Variants in MYH10 observed in about 807,000 individuals in gnomAD.
MYH10 encodes the protein myosin-10.
MYH10 carries 55 observed loss-of-function variants against 257.8 expected under a neutral mutation model. The observed-to-expected ratio is 0.21, with a 90% confidence interval of 0.17 to 0.27. The LOEUF is 0.27. MYH10 is among the 10% of genes least tolerant of loss of function. The pLI, the probability that MYH10 is intolerant of heterozygous loss-of-function variation, is 1.00. For missense variants in MYH10, 1,631 were observed against 2,500.6 expected (o/e 0.65, Z 7.42); for synonymous variants, 854 against 921.7 (o/e 0.93, Z 1.33).
intron 40 of MYH10, 49 bp downstream of exon 40, chr17:8,480,057 TCTGA>T (rs1372832959): frequency 6.3e-6 from 10 of 1,586,318 alleles, no homozygotes; most frequent in African/African-American, 5.4e-5. Flanking sequence ...CTGTTTTGTC[TCTGA>T]CTGAGCCTAG....
intron 7 of MYH10, chr17:8,561,040 T>G (rs1481519520): frequency 3.5e-6 from 2 of 570,146 alleles, no homozygotes; most frequent in African/African-American, 3.8e-5. Flanking sequence ...TCCATCCCAC[T>G]TGCTCACAAT....
intron 35 of MYH10, among the ~76,000 whole-genome samples, chr17:8,488,078 G>C (rs537048638): frequency 9.2e-5 from 14 of 152,296 alleles, no homozygotes; most frequent in African/African-American, 1.9e-4. Context: ...AGCAGGAAAG[G>C]GGGGAGCAGT....
chr17:8,512,606 G>A lies in MYH10; in HGVS notation c.2797C>T (p.Leu933Phe). 1.2e-6 allele frequency: 2 copies of A among 1,613,282 alleles called. No homozygotes were observed. The highest frequency in any genetic ancestry group is 1.7e-6 in the Non-Finnish European group (2 of 1,179,964). The change falls in exon 24 of 43, where the codon CTC becomes TTC. Residue 933 changes from leucine (L) to phenylalanine (F), a missense_variant. By Grantham distance (22) the Leu-to-Phe change is conservative. Transcript: ENST00000360416. Reference sequence around the variant, plus strand: ...CTCATCTCTTCTGCTTCAGCAAAGAGCTCAGTCTCTGCTTGTAGTTGTTCT... The same window carrying A: ...CTCATCTCTTCTGCTTCAGCAAAGAACTCAGTCTCTGCTTGTAGTTGTTCT... ...LAEQLQAETE[L>F]FAEAEEMRAR...
At chr17:8,537,675 T>G (rs2082178948) in intron 14 of MYH10, among the ~76,000 whole-genome samples, 1 of 152,226 alleles carries the variant, frequency 6.6e-6, no homozygotes, top group African/African-American at 2.4e-5. Context: ...TTTACCCTTT[T>G]ACATTCTTAA....
rs369882739 is a variant in MYH10 at position 8,492,995 on chromosome 17, G to A, written c.4239C>T (p.Asp1413=). 29 of 1,613,580 alleles carry A rather than the reference G, an allele frequency of 1.8e-5. No individual in the cohort carries two copies. The highest frequency in any genetic ancestry group is 6.7e-5 in the African/African-American group (5 of 74,816). ...QLADTKKKVD[D]DLGTIESLEE... ...CCAGACTTTCAATTGTTCCCAGGTCGTCATCTACTTTCTTCTTGGTATCAG... is the reference window on the plus strand; with the variant it reads ...CCAGACTTTCAATTGTTCCCAGGTCATCATCTACTTTCTTCTTGGTATCAG... Residue 1413 remains aspartate, a synonymous_variant, in exon 33 of 43, where the codon GAC becomes GAT. Coordinates refer to ENST00000360416, the MANE Select transcript of MYH10 (RefSeq NM_001256012.3).
chr17:8,500,287 CGT>C (rs1485597478), intron 29 of MYH10, among the ~76,000 whole-genome samples: 1 of 152,074 alleles, frequency 6.6e-6, no homozygotes, highest in African/African-American at 2.4e-5. Flanking sequence ...AGGAGGGTGG[CGT>C]GAGTCACAGG....
Position 8,477,072 on chromosome 17 carries a change from A to G in MYH10, c.5707-24T>C, listed in dbSNP as rs1469268670. On this transcript the variant is annotated intron_variant, in intron 41 of 42. Coordinates refer to ENST00000360416, the MANE Select transcript of MYH10 (RefSeq NM_001256012.3). This position sits in a 1 kb window ranked among gnomAD's most constrained non-coding sequence, Gnocchi z 4.2. ...ATCTTGGGGAGGGTACATGAACCAA[A>G]ACAAACCAAACTGGTGAATCCAGTG... 2 of 1,612,722 alleles carry G rather than the reference A, an allele frequency of 1.2e-6. No homozygotes were observed. The highest frequency in any genetic ancestry group is 1.7e-6 in the Non-Finnish European group (2 of 1,179,444).
chr17:8,616,528 AC>A (rs2085269035), intron 2 of MYH10, among the ~76,000 whole-genome samples: 1 of 152,116 alleles, frequency 6.6e-6, no homozygotes, highest in African/African-American at 2.4e-5. Context: ...AAATTTAAAC[AC>A]CATTTAAATA....
intron 17 of MYH10, among the ~76,000 whole-genome samples, chr17:8,525,674 T>A (rs146005329): frequency 1.3e-5 from 2 of 152,346 alleles, no homozygotes; most frequent in African/African-American, 2.4e-5. Context: ...TGTGGTTTTT[T>A]AAAAATATAG....
chr17:8,622,740 G>C (rs2152108953), intron 2 of MYH10, among the ~76,000 whole-genome samples, 162 bp downstream of exon 2: 1 of 152,290 alleles, frequency 6.6e-6, no homozygotes, highest in Non-Finnish European at 1.5e-5. Flanking sequence ...AGAAAAGCAA[G>C]ACATGGGTAA....
chr17:8,477,914 G>A lies in MYH10; in HGVS notation c.5706+424C>T, dbSNP rs995586171. Among the ~76,000 whole-genome samples, 2 of 152,168 alleles carry A rather than the reference G, an allele frequency of 1.3e-5. No homozygotes were observed. Among genetic ancestry groups the A allele is most frequent in the African/African-American group, 2.4e-5 (1 of 41,422 alleles). On this transcript the variant is annotated intron_variant, in intron 41 of 42. Coordinates refer to ENST00000360416, the MANE Select transcript of MYH10 (RefSeq NM_001256012.3). This position sits in a 1 kb window ranked among gnomAD's most constrained non-coding sequence, Gnocchi z 4.2. ...TGGATGCAGACGCTGAAGCTCACTC[G>A]GGTGCAGCGTGCAGTACCTTTGTCT...
chr17:8,541,291 T>C (rs1377992242), intron 14 of MYH10, among the ~76,000 whole-genome samples: 1 of 152,198 alleles, frequency 6.6e-6, no homozygotes, highest in Non-Finnish European at 1.5e-5. Context: ...AGGAGAAAAC[T>C]CTGCGTTATT....
intron 2 of MYH10, among the ~76,000 whole-genome samples, chr17:8,608,807 G>GA (rs1295154789): frequency 1.3e-5 from 2 of 150,836 alleles, no homozygotes; most frequent in Non-Finnish European, 2.9e-5. Flanking sequence ...CTATGATTGG[G>GA]AAATTTTTTT....
At chr17:8,499,242 G>A (rs780420621) in intron 30 of MYH10, 28 bp downstream of exon 30, 8 of 1,601,618 alleles carry the variant, frequency 5.0e-6, no homozygotes, top group Admixed American at 3.4e-5. Flanking sequence ...ACAGTGGGAC[G>A]TGTGTAGAGC....
At chr17:8,485,916 G>A (rs182544721) in intron 36 of MYH10, among the ~76,000 whole-genome samples, 173 of 152,302 alleles carry the variant, frequency 1.1e-3, no homozygotes, top group Middle Eastern at 3.4e-3. Flanking sequence ...AAAAATGGAA[G>A]CAACCCAAAT....
intron 2 of MYH10, among the ~76,000 whole-genome samples, chr17:8,621,138 G>C (rs1469151250): frequency 6.6e-6 from 1 of 152,164 alleles, no homozygotes; most frequent in Non-Finnish European, 1.5e-5. Flanking sequence ...AAAGCAGCCT[G>C]GCTCCTCTTC....
rs765255203 is a variant in MYH10 at position 8,552,096 on chromosome 17, G to A, written c.869C>T (p.Thr290Ile). The stretch of plus-strand genomic sequence containing the variant: ...TAACAACTGGTAAAAGATATGAAAA[G>A]TACGTTCATCTTTTGCTTGACGAAC... ...RAVRQAKDER[T>I]FHIFYQLLSG... The change falls in exon 9 of 43, where the codon ACT (threonine) becomes ATT (isoleucine). Residue 290 changes from threonine to isoleucine, a missense_variant. By Grantham distance (89) the Thr-to-Ile change is moderately conservative. Around this residue, in one of 11 missense-constraint regions of MYH10, gnomAD observed 360 missense variants for 581.9 expected, o/e 0.62. Transcript: ENST00000360416. This position sits in a 1 kb window ranked among gnomAD's most constrained non-coding sequence, Gnocchi z 4.8. 6.4e-7 allele frequency: 1 copy of A among 1,563,100 alleles called. No individual in the cohort carries two copies. Among genetic ancestry groups the A allele is most frequent in the South Asian group, 1.2e-5 (1 of 80,490 alleles).
At chr17:8,509,677 A>C (rs2081193784) in intron 25 of MYH10, 135 bp downstream of exon 25, 1 of 789,486 alleles carries the variant, frequency 1.3e-6, no homozygotes, top group African/African-American at 1.8e-5. Context: ...AGAGACTTAC[A>C]GAGAAAATTC....
chr17:8,574,653 T>C (rs1186326681), intron 6 of MYH10, among the ~76,000 whole-genome samples: 6 of 152,248 alleles, frequency 3.9e-5, no homozygotes, highest in African/African-American at 1.4e-4. Context: ...TACTACCGTT[T>C]AGTGATAAAA....
Sources: allele counts gnomAD v4.1 joint callset (sites outside exome capture counted in the v4.1 genomes callset), GRCh38; gene constraint gnomAD v4.1.1; regional missense constraint gnomAD v4.1.1; non-coding constraint Gnocchi (gnomAD v3.1); transcripts MANE v1.5; gene names NCBI Gene and HGNC (gene_info 2026-07-23, HGNC 2026-07-21).